EVC: variants seen among roughly 807,000 people sequenced by gnomAD.
The protein encoded by EVC is EvC ciliary complex subunit 1, also known as evC complex member EVC.
EVC carries 116 observed loss-of-function variants against 118.9 expected under a neutral mutation model. That is an observed-to-expected ratio of 0.98 (90% CI 0.84 to 1.14). The LOEUF (loss-of-function observed/expected upper bound fraction) is 1.14, where lower values mean the gene tolerates loss of function less well. EVC is among the 50% of genes most tolerant of loss of function. The pLI is 0.00. For missense variants in EVC, 1,401 were observed against 1,246.4 expected (o/e 1.12, Z -1.87); for synonymous variants, 619 against 534.7 (o/e 1.16, Z -2.18).
At chr4:5,744,556 G>A (rs16837611) in intron 6 of EVC, among the ~76,000 whole-genome samples, 15,920 of 152,126 alleles carry the variant, frequency 0.1, 1,196 homozygotes, top group African/African-American at 0.21. Flanking sequence ...ACTGATTAGA[G>A]GCCAGCTTGG....
the EVC span, chr4:5,828,771 A>G: frequency 3.1e-5 from 42 of 1,356,634 alleles, no homozygotes; most frequent in Middle Eastern, 1.9e-4. Flanking sequence ...GCGTGTTCCA[A>G]TGTTTTTTTT....
intron 11 of EVC, among the ~76,000 whole-genome samples, chr4:5,767,701 G>A (rs189872217): frequency 0.26 from 39,656 of 151,752 alleles, 5,386 homozygotes; most frequent in East Asian, 0.32. Flanking sequence ...GATTAGGAAA[G>A]GGAACTCCCT....
At chr4:5,802,115 G>A (rs1715118347) in intron 16 of EVC, 21 bp downstream of exon 16, 1 of 1,613,964 alleles carries the variant, frequency 6.2e-7, no homozygotes, top group African/African-American at 1.3e-5. Context: ...CCCCCTCAGG[G>A]AAGCCCCAGA....
the EVC span, chr4:5,828,405 T>C: frequency 3.3e-6 from 5 of 1,527,088 alleles, no homozygotes; most frequent in Non-Finnish European, 4.4e-6. Context: ...TTATTAACTC[T>C]GCACACGTCA....
intron 8 of EVC, among the ~76,000 whole-genome samples, chr4:5,751,019 C>T (rs1002279356): frequency 3.9e-5 from 6 of 152,090 alleles, no homozygotes; most frequent in Non-Finnish European, 4.4e-5. Context: ...GGGACCCTGA[C>T]GGTCATCAGA....
At chr4:5,790,666 G>C (rs1486994694) in intron 12 of EVC, among the ~76,000 whole-genome samples, 1 of 152,188 alleles carries the variant, frequency 6.6e-6, no homozygotes, top group Non-Finnish European at 1.5e-5. Flanking sequence ...TTTATTAGCT[G>C]TGTGACCTTG....
chr4:5,777,174 T>C (rs761557609), intron 11 of EVC, among the ~76,000 whole-genome samples: 4 of 152,146 alleles, frequency 2.6e-5, no homozygotes, highest in Non-Finnish European at 5.9e-5. Context: ...CCAAAGAGGA[T>C]TTTCGTTTGC....
rs1297590725 is a variant in EVC at position 5,804,712 on chromosome 4, C to G, written c.2450-18C>G. The stretch of plus-strand genomic sequence containing the variant: ...CCTCCAAACAGACCCCTTGATTGTC[C>G]TGTGTTAAATGGTCTAGGTGAGAGG... On this transcript the variant is annotated intron_variant, in intron 16 of 20. Coordinates refer to ENST00000264956, the MANE Select transcript of EVC (RefSeq NM_153717.3). The G allele has an allele frequency of 1.9e-6, 3 of 1,610,030 alleles. No individual in the cohort carries two copies.
rs539006531 is a variant in EVC at position 5,749,097 on chromosome 4, CAG to C, written c.1098+794_1098+795del. Among the ~76,000 whole-genome samples the C allele has an allele frequency of 4.9e-4, 74 of 152,128 alleles. No individual in the cohort carries two copies. The highest frequency in any genetic ancestry group is 1.7e-3 in the African/African-American group (71 of 41,512). On this transcript the variant is annotated intron_variant, in intron 8 of 20. Transcript: ENST00000264956. This position sits in a 1 kb window ranked among gnomAD's most constrained non-coding sequence, Gnocchi z 4.4. ...TTTCCTGATTGCCCTGTTTTGCCTGCAGAGTTCTTTAACAATGCCTTTTCCTG... is the reference window on the plus strand; with the variant it reads ...TTTCCTGATTGCCCTGTTTTGCCTGCAGTTCTTTAACAATGCCTTTTCCTG...
chr4:5,729,617 G>C (rs182685672), intron 3 of EVC, among the ~76,000 whole-genome samples: 73 of 152,282 alleles, frequency 4.8e-4, no homozygotes, highest in Non-Finnish European at 9.6e-4. Context: ...CGAGGTAACA[G>C]CACAGTAGGA....
At chr4:5,735,292 C>G (rs1560303150) in intron 5 of EVC, among the ~76,000 whole-genome samples, 1 of 152,192 alleles carries the variant, frequency 6.6e-6, no homozygotes, top group Non-Finnish European at 1.5e-5. Flanking sequence ...GTCAGGCTTC[C>G]CTGTGGGGAG....
chr4:5,767,445 G>C (rs1319783424), intron 11 of EVC, among the ~76,000 whole-genome samples: 2 of 150,662 alleles, frequency 1.3e-5, no homozygotes, highest in Non-Finnish European at 3.0e-5. Context: ...CAGCTTCCAG[G>C]CTGCTTTGTT....
intron 11 of EVC, among the ~76,000 whole-genome samples, chr4:5,782,725 T>G (rs1735810492): frequency 6.6e-6 from 1 of 152,058 alleles, no homozygotes; most frequent in African/African-American, 2.4e-5. Flanking sequence ...CTGAGCTGCC[T>G]GGAAGCCCTG....
intron 15 of EVC, 155 bp from the exon 16 acceptor site, chr4:5,801,795 C>A (rs759447700): frequency 1.3e-6 from 1 of 751,962 alleles, no homozygotes; most frequent in Non-Finnish European, 2.3e-6. Context: ...TAGTTTAAAC[C>A]AGCCATGCAC....
At chr4:5,809,776 C>A (rs1193871949) in intron 19 of EVC, among the ~76,000 whole-genome samples, 165 bp downstream of exon 19, 2 of 152,122 alleles carry the variant, frequency 1.3e-5, no homozygotes, top group African/African-American at 2.4e-5. Context: ...GGCTAGGCCA[C>A]CCCTCAGGCC....
At chr4:5,793,903 G>C (rs1713270565) in intron 13 of EVC, among the ~76,000 whole-genome samples, 186 bp downstream of exon 13, 2 of 152,128 alleles carry the variant, frequency 1.3e-5, no homozygotes, top group South Asian at 4.1e-4. Flanking sequence ...CTATTTGATA[G>C]AGTTGTCTGT....
chr4:5,828,769 C>A, the EVC span: 2 of 1,362,532 alleles, frequency 1.5e-6, no homozygotes, highest in Non-Finnish European at 2.0e-6. Flanking sequence ...AAGCGTGTTC[C>A]AATGTTTTTT....
chr4:5,744,540 T>A (rs1577404560), intron 6 of EVC, among the ~76,000 whole-genome samples: 1 of 152,190 alleles, frequency 6.6e-6, no homozygotes, highest in East Asian at 1.9e-4. Flanking sequence ...GAAATGTAGC[T>A]TTGTTACTGA....
intron 11 of EVC, among the ~76,000 whole-genome samples, chr4:5,766,361 T>C (rs935826976): frequency 4.9e-5 from 7 of 143,874 alleles, no homozygotes; most frequent in Admixed American, 4.2e-4. Context: ...TCAACTTTGG[T>C]GAATCTGACA....
Sources: gnomAD v4.1 joint callset for allele counts (sites outside exome capture counted in the v4.1 genomes callset) on GRCh38, gnomAD v4.1.1 for gene constraint, Gnocchi (gnomAD v3.1) non-coding constraint, MANE v1.5 for transcripts, NCBI Gene and HGNC (gene_info 2026-07-23, HGNC 2026-07-21) for gene names.